The following TAMM41 variants were observed in gnomAD, a reference collection of about 807,000 sequenced individuals.
TAMM41 encodes phosphatidate cytidylyltransferase, mitochondrial.
TAMM41 carries 36 observed loss-of-function variants against 44.1 expected under a neutral mutation model. The ratio of observed to expected loss-of-function variants is 0.82; its 90% confidence interval spans 0.63 to 1.08. The LOEUF (loss-of-function observed/expected upper bound fraction) is 1.08. Among genes scored for constraint, TAMM41 ranks in the 50% least tolerant of loss-of-function variants. The pLI is 0.00. For synonymous variants in TAMM41, 164 were observed against 153.1 expected (o/e 1.07, Z -0.53); for missense variants, 417 against 404.3 (o/e 1.03, Z -0.27).
At chr3:11,772,521 G>A in the TAMM41 span, among the ~76,000 whole-genome samples, 6 of 152,096 alleles carry the variant, frequency 3.9e-5, no homozygotes, top group Admixed American at 2.0e-4. Context: ...CAAAAGACGT[G>A]ATTTCATTCT....
At chr3:11,846,393 C>T (rs2079692156) in intron 1 of TAMM41, 109 bp downstream of exon 1, 2 of 1,279,230 alleles carry the variant, frequency 1.6e-6, no homozygotes, top group Middle Eastern at 2.5e-4. Context: ...CTAGTGGACA[C>T]GTGGAGTGTG....
the TAMM41 span, among the ~76,000 whole-genome samples, chr3:11,741,273 A>G: frequency 7.0e-6 from 1 of 143,722 alleles, no homozygotes; most frequent in Non-Finnish European, 1.5e-5. Context: ...GGTGTGGGCT[A>G]CTGTTTCCAA....
chr3:11,771,806 C>T, the TAMM41 span, among the ~76,000 whole-genome samples: 1 of 152,068 alleles, frequency 6.6e-6, no homozygotes, highest in African/African-American at 2.4e-5. Flanking sequence ...TGGTATCAAA[C>T]TCCTGACCTC....
the TAMM41 span, among the ~76,000 whole-genome samples, chr3:11,746,586 C>G: frequency 6.6e-6 from 1 of 150,498 alleles, no homozygotes; most frequent in Non-Finnish European, 1.5e-5. Context: ...AAACATTATG[C>G]TGGGGGAAAA....
At chr3:11,824,524 C>A (rs2078663688) in intron 4 of TAMM41, among the ~76,000 whole-genome samples, 1 of 151,552 alleles carries the variant, frequency 6.6e-6, no homozygotes, top group Admixed American at 6.6e-5. Context: ...GAACTCCTGA[C>A]CTTGAGTGAT....
chr3:11,739,424 C>T, the TAMM41 span, among the ~76,000 whole-genome samples: 2 of 152,248 alleles, frequency 1.3e-5, no homozygotes, highest in South Asian at 4.1e-4. Flanking sequence ...GGCTCCAGCT[C>T]CCAGGGGCTG....
At chr3:11,806,426 T>G (rs958290628) in intron 7 of TAMM41, among the ~76,000 whole-genome samples, 2 of 151,876 alleles carry the variant, frequency 1.3e-5, no homozygotes. Flanking sequence ...AAAACAAGAA[T>G]AGGATGCAAA....
chr3:11,769,010 G>C, the TAMM41 span, among the ~76,000 whole-genome samples: 1 of 152,214 alleles, frequency 6.6e-6, no homozygotes, highest in African/African-American at 2.4e-5. Context: ...GCATGGCTGA[G>C]GATGTGAGAG....
chr3:11,726,069 GA>G, the TAMM41 span, among the ~76,000 whole-genome samples: 1 of 152,226 alleles, frequency 6.6e-6, no homozygotes, highest in African/African-American at 2.4e-5. Context: ...CAAATAAGGG[GA>G]ATATCAACGG....
At chr3:11,736,388 A>G in the TAMM41 span, among the ~76,000 whole-genome samples, 1 of 152,216 alleles carries the variant, frequency 6.6e-6, no homozygotes, top group African/African-American at 2.4e-5. Context: ...CAGTGCTATA[A>G]TGATAAATAC....
At chr3:11,754,001 C>G in the TAMM41 span, among the ~76,000 whole-genome samples, 1 of 152,114 alleles carries the variant, frequency 6.6e-6, no homozygotes, top group Non-Finnish European at 1.5e-5. Flanking sequence ...ACATCCCTGT[C>G]CATCTCTGTT....
the TAMM41 span, among the ~76,000 whole-genome samples, chr3:11,757,468 C>T: frequency 2.0e-5 from 3 of 152,278 alleles, no homozygotes; most frequent in Non-Finnish European, 2.9e-5. Flanking sequence ...CATTTGTCAC[C>T]TGTCCCTGGA....
At chr3:11,752,625 C>CTTTTTTTTTTTTTGTTTTTTTTTT in the TAMM41 span, among the ~76,000 whole-genome samples, 1 of 39,938 alleles carries the variant, frequency 2.5e-5, no homozygotes, top group Non-Finnish European at 5.0e-5. Context: ...TCTTACAAAG[C>CTTTTTTTTTTTTTGTTTTTTTTTT]TTTTTTTTTT....
chr3:11,824,565 A>G (rs1222400076), intron 4 of TAMM41, among the ~76,000 whole-genome samples: 4 of 152,140 alleles, frequency 2.6e-5, no homozygotes, highest in Non-Finnish European at 5.9e-5. Context: ...AAGTGCTGGG[A>G]TTACAGGCGT....
intron 4 of TAMM41, among the ~76,000 whole-genome samples, chr3:11,818,572 G>A (rs904467209): frequency 6.6e-6 from 1 of 152,270 alleles, no homozygotes; most frequent in Admixed American, 6.5e-5. Context: ...ACAATTTGGT[G>A]GAATGCAACT....
At chr3:11,726,814 A>G in the TAMM41 span, among the ~76,000 whole-genome samples, 13 of 151,696 alleles carry the variant, frequency 8.6e-5, no homozygotes, top group South Asian at 1.0e-3. Flanking sequence ...AAAAAAAAAA[A>G]AAAAGAAAAA....
chr3:11,788,696 G>A (rs966563070), downstream of TAMM41, among the ~76,000 whole-genome samples: 3 of 152,196 alleles, frequency 2.0e-5, no homozygotes, highest in Non-Finnish European at 4.4e-5. Flanking sequence ...AGCACTTTGG[G>A]AGGCCGAGGT....
chr3:11,816,789 AAAC>A (rs982779904), intron 5 of TAMM41, among the ~76,000 whole-genome samples: 7 of 152,154 alleles, frequency 4.6e-5, no homozygotes, highest in Non-Finnish European at 1.0e-4. Flanking sequence ...AAAGAAAAAA[AAAC>A]AACAACAACC....
At chr3:11,742,486 C>T in the TAMM41 span, among the ~76,000 whole-genome samples, 5 of 150,216 alleles carry the variant, frequency 3.3e-5, no homozygotes, top group Non-Finnish European at 5.9e-5. Context: ...TAACCACTCA[C>T]GTGCTCACAG....
Sources: gnomAD v4.1 joint callset for allele counts (sites outside exome capture counted in the v4.1 genomes callset) on GRCh38, gnomAD v4.1.1 for gene constraint, MANE v1.5 for transcripts, NCBI Gene and HGNC (gene_info 2026-07-23, HGNC 2026-07-21) for gene names.